Variants in GNPDA2 observed in about 807,000 individuals in gnomAD.
The protein encoded by GNPDA2 is glcN6P deaminase 2.
GNPDA2 carries 24 observed loss-of-function variants against 27.0 expected under a neutral mutation model. The observed-to-expected ratio is 0.89, with a 90% CI of 0.64 to 1.25. The LOEUF is 1.25. Among genes scored for constraint, GNPDA2 ranks in the 50% most tolerant of loss-of-function variants. The pLI, the probability that GNPDA2 is intolerant of heterozygous loss-of-function variation, is 0.00. For synonymous variants in GNPDA2, 94 were observed against 108.4 expected, an observed-to-expected ratio of 0.87 and a Z score of 0.83; for missense variants, 286 against 335.1, an observed-to-expected ratio of 0.85 and a Z score of 1.14.
intron 1 of GNPDA2, among the ~76,000 whole-genome samples, chr4:44,726,230 G>A (rs960288563): frequency 6.9e-6 from 1 of 145,552 alleles, no homozygotes; most frequent in Non-Finnish European, 1.5e-5. Context: ...AGAAGAAGCC[G>A]CGAGAGAGGA....
intron 4 of GNPDA2, chr4:44,714,284 T>C: frequency 1.0e-6 from 1 of 985,120 alleles, no homozygotes. Context: ...CCCTAGATTT[T>C]ATTTTTAAAA....
chr4:44,717,708 T>G (rs1343039675), intron 3 of GNPDA2, among the ~76,000 whole-genome samples: 2 of 151,920 alleles, frequency 1.3e-5, no homozygotes, highest in African/African-American at 4.8e-5. Context: ...TCAAGTGAAA[T>G]GATAGCCATG....
chr4:44,720,797 T>C (rs1717615567), intron 2 of GNPDA2, among the ~76,000 whole-genome samples: 1 of 152,142 alleles, frequency 6.6e-6, no homozygotes, highest in African/African-American at 2.4e-5. Flanking sequence ...GCAGTTATAC[T>C]ACCCAAAATA....
intron 4 of GNPDA2, among the ~76,000 whole-genome samples, chr4:44,711,894 C>T (rs1364737357): frequency 6.6e-6 from 1 of 151,496 alleles, no homozygotes; most frequent in Non-Finnish European, 1.5e-5. Context: ...CATACTTACC[C>T]TTACTAGGAA....
rs1235588865 is a variant in GNPDA2 at position 44,717,265 on chromosome 4, T to C, written c.257A>G (p.His86Arg). The C allele has an allele frequency of 2.6e-6, 4 of 1,528,606 alleles. No individual in the cohort carries two copies. Among genetic ancestry groups the C allele is most frequent in the Non-Finnish European group, 3.6e-6 (4 of 1,124,308 alleles). The allele number at this position is 1,528,606 out of a possible 1,614,324, so 94.7% of individuals were successfully genotyped here. A position where few individuals can be genotyped will look rare whatever the true frequency, so the allele number is the denominator to read the frequency against. ...GLPRNHPESYHSYMWNNFFKH... is the reference protein window; with the variant it reads ...GLPRNHPESYRSYMWNNFFKH... ...AAAAAAATTATTCCACATATAAGAA[T>C]GGTAGCTTTCAGGATGATTTCTTGG... The change falls in exon 4 of 7, where the codon CAT becomes CGT. Residue 86 changes from histidine to arginine, a missense_variant. By Grantham distance (29) the His-to-Arg change is conservative. Coordinates refer to ENST00000295448, the MANE Select transcript of GNPDA2 (RefSeq NM_138335.3).
intron 3 of GNPDA2, among the ~76,000 whole-genome samples, 162 bp downstream of exon 3, chr4:44,718,147 C>T (rs929876590): frequency 6.6e-5 from 10 of 151,840 alleles, no homozygotes; most frequent in Non-Finnish European, 1.0e-4. Context: ...TTTAAATAAA[C>T]TCCCAATCTC....
rs1716380967 is a variant in GNPDA2 at position 44,703,196 on chromosome 4, A to G, written c.770-54T>C. 8 of 1,571,996 alleles carry G rather than the reference A, an allele frequency of 5.1e-6. No homozygotes were observed. In the Admixed American group the frequency reaches 7.8e-5, roughly 15 times the overall value. On this transcript the variant is annotated intron_variant, in intron 6 of 6. Transcript: ENST00000295448. ...GTTTTTATTAATTTTGAACTATCTCATTTACTTTAGACAACAAAGTATTTT... is the reference window on the plus strand; with the variant it reads ...GTTTTTATTAATTTTGAACTATCTCGTTTACTTTAGACAACAAAGTATTTT...
intron 5 of GNPDA2, among the ~76,000 whole-genome samples, 154 bp from the exon 6 acceptor site, chr4:44,708,080 TTTAAGA>T (rs1553878385): frequency 6.6e-6 from 1 of 152,160 alleles, no homozygotes; most frequent in Non-Finnish European, 1.5e-5. Context: ...ATTTCTACTT[TTTAAGA>T]TTAACAAGCA....
rs1716353982 is a variant in GNPDA2 at position 44,702,752 on chromosome 4, C to T, written c.*329G>A. 2.7e-6 allele frequency: 3 copies of T among 1,119,516 alleles called. No homozygotes were observed. The highest frequency in any genetic ancestry group is 3.3e-6 in the Non-Finnish European group (3 of 917,992). The allele number at this position is 1,119,516 out of a possible 1,614,324, so 69.3% of individuals were successfully genotyped here. A position where few individuals can be genotyped will look rare whatever the true frequency, so the allele number is the denominator to read the frequency against. ...AAAATGAAATATACGCCACTGGAGT[C>T]ATATCACAAATGGTGCCTGATGTGG... On this transcript the variant is annotated 3_prime_UTR_variant, in exon 7 of 7. Transcript: ENST00000295448.
At position 44,707,785 on chromosome 4, in the gene GNPDA2, C is replaced by G. The variant is rs1182556064; in HGVS notation, c.736G>C (p.Glu246Gln). ...IFVCDEDATL[E>Q]LRVKTVKYFK... Reference sequence around the variant, plus strand: ...TATTTCACAGTTTTAACTCTTAATTCTAAAGTAGCATCTTCATCGCATACA... The same window carrying G: ...TATTTCACAGTTTTAACTCTTAATTGTAAAGTAGCATCTTCATCGCATACA... The change falls in exon 6 of 7, where the codon GAA becomes CAA. Residue 246 changes from glutamate to glutamine, a missense_variant. Transcript: ENST00000295448. The G allele has an allele frequency of 1.2e-6, 2 of 1,613,224 alleles. No homozygotes were observed. The highest frequency in any genetic ancestry group is 1.7e-6 in the Non-Finnish European group (2 of 1,179,576).
At chr4:44,705,617 G>A (rs887725813) in intron 6 of GNPDA2, 3 of 269,762 alleles carry the variant, frequency 1.1e-5, no homozygotes, top group African/African-American at 2.3e-5. Context: ...TTTGGAAGCA[G>A]TGATTATCAT....
chr4:44,704,181 C>G (rs1489394599), intron 6 of GNPDA2: 1 of 984,888 alleles, frequency 1.0e-6, no homozygotes, highest in Non-Finnish European at 1.2e-6. Context: ...GAATGGGACT[C>G]TAAAGGAGGG....
chr4:44,719,655 C>T (rs1467055032), intron 2 of GNPDA2, among the ~76,000 whole-genome samples: 1 of 151,950 alleles, frequency 6.6e-6, no homozygotes, highest in African/African-American at 2.4e-5. Context: ...AATCTCTTCT[C>T]TCTTTTAGTG....
chr4:44,704,472 T>TC (rs1716464843), intron 6 of GNPDA2: 2 of 810,780 alleles, frequency 2.5e-6, no homozygotes, highest in South Asian at 5.7e-5. Context: ...TATTAAAAAT[T>TC]CAACTCCTTT....
chr4:44,708,579 C>A (rs919338271), intron 5 of GNPDA2, among the ~76,000 whole-genome samples: 1 of 151,996 alleles, frequency 6.6e-6, no homozygotes, highest in Admixed American at 6.6e-5. Context: ...GCTCTTGGTC[C>A]CCAGGCCCTA....
intron 4 of GNPDA2, among the ~76,000 whole-genome samples, chr4:44,716,608 A>G (rs573887227): frequency 1.8e-4 from 27 of 152,040 alleles, no homozygotes; most frequent in African/African-American, 6.0e-4. Context: ...CTTAACTCAT[A>G]TTAACTTAAG....
chr4:44,707,670 G>T, intron 6 of GNPDA2, 82 bp downstream of exon 6: 1 of 1,236,012 alleles, frequency 8.1e-7, no homozygotes, highest in Non-Finnish European at 1.1e-6. Context: ...CACAGTGTGA[G>T]ATTTAACCCC....
In GNPDA2 at chr4:44,702,080, A is replaced by G; in HGVS notation, c.*1001T>C. The G allele has an allele frequency of 1.0e-6, 1 of 985,036 alleles. No individual in the cohort carries two copies. Among genetic ancestry groups the G allele is most frequent in the Non-Finnish European group, 1.2e-6 (1 of 829,252 alleles). The allele number at this position is 985,036 out of a possible 1,614,324, so 61.0% of individuals were successfully genotyped here. On this transcript the variant is annotated 3_prime_UTR_variant, in exon 7 of 7. Transcript: ENST00000295448. ...ATGGTAACAAACCCAAAATGAATGC[A>G]GGTTCACATGTACTATAATTGTTGG...
chr4:44,725,986 T>C (rs996731070), intron 1 of GNPDA2, among the ~76,000 whole-genome samples: 5 of 152,220 alleles, frequency 3.3e-5, no homozygotes, highest in Non-Finnish European at 2.9e-5. Flanking sequence ...GCTCTGAGCT[T>C]TTCCCTACTC....
Sources: gnomAD v4.1 joint callset for allele counts (sites outside exome capture counted in the v4.1 genomes callset) on GRCh38, gnomAD v4.1.1 for gene constraint, MANE v1.5 for transcripts, NCBI Gene and HGNC (gene_info 2026-07-23, HGNC 2026-07-21) for gene names.